The following ARHGEF40 variants were observed in gnomAD, a reference collection of about 807,000 sequenced individuals.
The protein encoded by ARHGEF40 is Rho guanine nucleotide exchange factor (GEF) 40.
A neutral mutation model predicts 165.9 loss-of-function variants in ARHGEF40; 98 were observed. That is an observed-to-expected ratio of 0.59 (90% CI 0.50 to 0.70). The LOEUF (loss-of-function observed/expected upper bound fraction) is 0.70, where lower values mean the gene tolerates loss of function less well. Among genes scored for constraint, ARHGEF40 ranks in the 30% least tolerant of loss-of-function variants. The probability of loss-of-function intolerance (pLI) is 0.00; values close to 1 mark genes in which losing one functional copy is unlikely to be tolerated. For missense variants in ARHGEF40, 1,815 were observed against 1,968.0 expected, an observed-to-expected ratio of 0.92 and a Z score of 1.47; for synonymous variants, 792 against 814.3, an observed-to-expected ratio of 0.97 and a Z score of 0.47.
intron 11 of ARHGEF40, among the ~76,000 whole-genome samples, chr14:21,079,862 C>T (rs1887731121): frequency 6.6e-6 from 1 of 152,100 alleles, no homozygotes; most frequent in African/African-American, 2.4e-5. Flanking sequence ...GATTTGGAGT[C>T]TAACGTGCTC....
In ARHGEF40 at chr14:21,082,460, G is replaced by A; in HGVS notation, c.3468G>A (p.Gly1156=). The A allele has an allele frequency of 1.3e-6, 2 of 1,591,454 alleles. No individual in the cohort carries two copies. The highest frequency in any genetic ancestry group is 1.7e-6 in the Non-Finnish European group (2 of 1,166,568). Reference sequence around the variant, plus strand: ...GCGCCACCCACCCCCTACGCATTGGGGCCTGCTTCCTTCGCCACGTGAGTG... The same window carrying A: ...GCGCCACCCACCCCCTACGCATTGGAGCCTGCTTCCTTCGCCACGTGAGTG... ...QGCATHPLRI[G]ACFLRHGDQF... Residue 1156 remains glycine (G), a synonymous_variant, in exon 15 of 24, where the codon GGG becomes GGA. Transcript: ENST00000298694.
chr14:21,071,674 C>T (rs1393453015), intron 1 of ARHGEF40, among the ~76,000 whole-genome samples: 2 of 152,148 alleles, frequency 1.3e-5, no homozygotes, highest in Non-Finnish European at 2.9e-5. Flanking sequence ...AGCTCACCGC[C>T]CCTAATGGGT....
At chr14:21,063,784 A>G in the ARHGEF40 span, among the ~76,000 whole-genome samples, 1 of 152,330 alleles carries the variant, frequency 6.6e-6, no homozygotes, top group South Asian at 2.1e-4. Flanking sequence ...GGGTAGGAAA[A>G]TGTACAGATC....
At chr14:21,080,039 C>T (rs1415480261) in intron 11 of ARHGEF40, among the ~76,000 whole-genome samples, 1 of 152,130 alleles carries the variant, frequency 6.6e-6, no homozygotes, top group East Asian at 1.9e-4. Flanking sequence ...TTATTGTTGG[C>T]ACTGGCTATT....
Position 21,088,883 on chromosome 14 carries a change from C to T in ARHGEF40, c.*5+7C>T. On this transcript the variant is annotated splice_region_variant and intron_variant, in intron 23 of 23. Coordinates refer to ENST00000298694, the MANE Select transcript of ARHGEF40 (RefSeq NM_018071.5). ...CCACGCCTCTGTGACCTGGGTGAGT[C>T]AGCATCCCCAATTTCTACCACATCC... The T allele has an allele frequency of 6.2e-7, 1 of 1,611,886 alleles. No individual in the cohort carries two copies.
In ARHGEF40 at chr14:21,073,800, C is replaced by T. The variant is rs1431416196; in HGVS notation, c.202-132C>T. The T allele has an allele frequency of 9.5e-6, 10 of 1,056,402 alleles. No homozygotes were observed. The highest frequency in any genetic ancestry group is 1.3e-5 in the Non-Finnish European group (10 of 743,376). 65.4% of individuals were successfully genotyped at this position (1,056,402 alleles called of 1,614,324 possible). A position where few individuals can be genotyped will look rare whatever the true frequency, so the allele number is the denominator to read the frequency against. Reference sequence around the variant, plus strand: ...GCCACCTGAATACCCCAAATCTCCCCTCCTGCTCTCCTGAGAGTATAACCT... The same window carrying T: ...GCCACCTGAATACCCCAAATCTCCCTTCCTGCTCTCCTGAGAGTATAACCT... On this transcript the variant is annotated intron_variant, in intron 2 of 23. Coordinates refer to ENST00000298694, the MANE Select transcript of ARHGEF40 (RefSeq NM_018071.5). This position sits in a 1 kb window ranked among gnomAD's most constrained non-coding sequence, Gnocchi z 4.6.
Position 21,073,812 on chromosome 14 carries a change from T to G in ARHGEF40, c.202-120T>G. On this transcript the variant is annotated intron_variant, in intron 2 of 23. Transcript: ENST00000298694. The surrounding 1 kb of genome is among the most constrained non-coding windows in gnomAD (Gnocchi z 4.6). ...CCCCAAATCTCCCCTCCTGCTCTCCTGAGAGTATAACCTTCCAGGCATAAG... is the reference window on the plus strand; with the variant it reads ...CCCCAAATCTCCCCTCCTGCTCTCCGGAGAGTATAACCTTCCAGGCATAAG... 1.7e-6 allele frequency: 2 copies of G among 1,201,094 alleles called. No homozygotes were observed. Among genetic ancestry groups the G allele is most frequent in the Admixed American group, 2.4e-5 (1 of 40,986 alleles). The allele number at this position is 1,201,094 out of a possible 1,614,324, so 74.4% of individuals were successfully genotyped here.
In ARHGEF40 at chr14:21,076,469, C is replaced by G. The variant is rs1412880532; in HGVS notation, c.1836+13C>G. ...GAGCCAACTTCAGGTAACCACCCCT[C>G]AAACAGGCAGTTCCCCTGGATCCTA... On this transcript the variant is annotated intron_variant, in intron 6 of 23. Transcript: ENST00000298694. The G allele has an allele frequency of 3.1e-6, 5 of 1,613,994 alleles. No homozygotes were observed. The highest frequency in any genetic ancestry group is 4.2e-6 in the Non-Finnish European group (5 of 1,179,990).
At chr14:21,067,985 T>TCTCCATGAAAAAAAAAAATGATCCAC (rs1566514089), upstream of ARHGEF40, among the ~76,000 whole-genome samples, 8 of 4,288 alleles carry the variant, frequency 1.9e-3, no homozygotes, top group African/African-American at 0.015. Flanking sequence ...CTCCCCTTTT[T>TCTCCATGAAAAAAAAAAATGATCCAC]TTTTTTTTTT....
At position 21,082,008 on chromosome 14, in the gene ARHGEF40, T is replaced by C; in HGVS notation, c.3140T>C (p.Val1047Ala). The change falls in exon 14 of 24, where the codon GTG becomes GCG. Residue 1047 changes from valine (V) to alanine (A), a missense_variant. By Grantham distance (64) the Val-to-Ala change is moderately conservative. Coordinates refer to ENST00000298694, the MANE Select transcript of ARHGEF40 (RefSeq NM_018071.5). ...GGCCTGGAGGTCACCAGCACTGAGG[T>C]GGTAGACAGGACGTGCTCACCACGG... ...IRGLEVTSTE[V>A]VDRTCSPREH... 6.3e-7 allele frequency: 1 copy of C among 1,576,672 alleles called. No individual in the cohort carries two copies. The highest frequency in any genetic ancestry group is 8.6e-7 in the Non-Finnish European group (1 of 1,160,962).
chr14:21,084,097 GC>G (rs754293042), intron 17 of ARHGEF40, 47 bp downstream of exon 17: 2 of 1,529,540 alleles, frequency 1.3e-6, no homozygotes, highest in South Asian at 2.4e-5. Flanking sequence ...CCCAGCCCTG[GC>G]CTCAGAAGCC....
chr14:21,087,650 G>A (rs1031461329), intron 21 of ARHGEF40, 187 bp downstream of exon 21: 2 of 836,372 alleles, frequency 2.4e-6, no homozygotes, highest in South Asian at 1.8e-5. Context: ...ACAGCCTGTT[G>A]CTAAGAAGCA....
At chr14:21,081,209 T>G in intron 13 of ARHGEF40, 193 bp downstream of exon 13, 1 of 947,660 alleles carries the variant, frequency 1.1e-6, no homozygotes, top group Non-Finnish European at 1.5e-6. Context: ...CCTCCATAGA[T>G]CTACCTCACA....
rs1331647207 is a variant in ARHGEF40 at position 21,073,358 on chromosome 14, G to A, written c.201+116G>A. The A allele has an allele frequency of 8.6e-6, 10 of 1,162,372 alleles. No individual in the cohort carries two copies. Among genetic ancestry groups the A allele is most frequent in the East Asian group, 7.7e-5 (3 of 38,828 alleles). The allele number at this position is 1,162,372 out of a possible 1,614,324, so 72.0% of individuals were successfully genotyped here. ...TAGAGATACAGCCTCCCTTGAAACC[G>A]ATCTCTCCAGAATCACTTAAGCTTC... On this transcript the variant is annotated intron_variant, in intron 2 of 23. Transcript: ENST00000298694. This position sits in a 1 kb window ranked among gnomAD's most constrained non-coding sequence, Gnocchi z 4.6.
Position 21,078,278 on chromosome 14 carries a change from A to G in ARHGEF40, c.2130+6A>G, listed in dbSNP as rs76583285. On this transcript the variant is annotated splice_donor_region_variant and intron_variant, in intron 9 of 23. Transcript: ENST00000298694. The stretch of plus-strand genomic sequence containing the variant: ...CAGCAGAGCCAGAGGAAGAGGTATG[A>G]AATGAGATGGGACAGTGGGGGGATG... 1.5e-3 allele frequency: 2,450 copies of G among 1,613,488 alleles called. 18 individuals are homozygous for G. The African/African-American group carries it at 0.026, about 17-fold the overall frequency.
chr14:21,087,991 G>A lies in ARHGEF40; in HGVS notation c.4411G>A (p.Gly1471Arg). ...AGCCCCAGAAACACTTGACTCTTCT[G>A]GAGATGTGTCCCCAGGACCAAGAAA... ...SLAPETLDSS[G>R]DVSPGPRNSP... The change falls in exon 22 of 24, where the codon GGA becomes AGA. Residue 1471 changes from glycine to arginine, a missense_variant. Coordinates refer to ENST00000298694, the MANE Select transcript of ARHGEF40 (RefSeq NM_018071.5). 6.2e-7 allele frequency: 1 copy of A among 1,614,084 alleles called. No homozygotes were observed. The highest frequency in any genetic ancestry group is 8.5e-7 in the Non-Finnish European group (1 of 1,180,032).
At chr14:21,063,238 G>T in the ARHGEF40 span, among the ~76,000 whole-genome samples, 1 of 152,158 alleles carries the variant, frequency 6.6e-6, no homozygotes, top group African/African-American at 2.4e-5. Flanking sequence ...GTGTATGTGT[G>T]TGTGTGTATA....
Position 21,076,851 on chromosome 14 carries a change from C to G in ARHGEF40, c.1995C>G (p.His665Gln), listed in dbSNP as rs779590283. 1 of 1,613,766 alleles carries G rather than the reference C, an allele frequency of 6.2e-7. No individual in the cohort carries two copies. The change falls in exon 8 of 24, where the codon CAC becomes CAG. Residue 665 changes from histidine (H) to glutamine (Q), a missense_variant. By Grantham distance (24) the His-to-Gln change is conservative (BLOSUM62 0). Transcript: ENST00000298694. ...AGCTGCAGTGGGAGTTAGGAGGTCA[C>G]AGGGACCCCTCTCCCAGTCACTGGG... ...PEELQWELGG[H>Q]RDPSPSHWVE...
At position 21,090,224 on chromosome 14, in the gene ARHGEF40, ACT is replaced by A. The variant is rs1413024086; in HGVS notation, c.*1220_*1221del. ...ACCCTCACCCCTTGTACAAAAATAA[ACT>A]CTCACGCCTATGGACCAGCAAAGAC... On this transcript the variant is annotated 3_prime_UTR_variant, in exon 24 of 24. Coordinates refer to ENST00000298694, the MANE Select transcript of ARHGEF40 (RefSeq NM_018071.5). The surrounding 1 kb of genome is among the most constrained non-coding windows in gnomAD (Gnocchi z 4.4). The A allele has an allele frequency of 8.1e-6, 5 of 615,096 alleles. No individual in the cohort carries two copies. Among genetic ancestry groups the A allele is most frequent in the South Asian group, 6.1e-5 (4 of 65,998 alleles). 38.1% of individuals were successfully genotyped at this position (615,096 alleles called of 1,614,324 possible). A position where few individuals can be genotyped will look rare whatever the true frequency, so the allele number is the denominator to read the frequency against.
Sources: allele counts gnomAD v4.1 joint callset (sites outside exome capture counted in the v4.1 genomes callset), GRCh38; gene constraint gnomAD v4.1.1; non-coding constraint Gnocchi (gnomAD v3.1); transcripts MANE v1.5; gene names NCBI Gene and HGNC (gene_info 2026-07-23, HGNC 2026-07-21).